The following ZC3H13 variants were observed in gnomAD, a reference collection of about 807,000 sequenced individuals.
ZC3H13 encodes the protein zinc finger CCCH-type containing 13.
In ZC3H13, 64 loss-of-function variants were observed where a neutral mutation model predicts 204.1. The observed-to-expected ratio is 0.31, with a 90% CI of 0.26 to 0.39. The LOEUF is 0.39. ZC3H13 is among the 10% of genes least tolerant of loss of function. The pLI is 1.00. For synonymous variants in ZC3H13, 667 were observed against 693.7 expected, an observed-to-expected ratio of 0.96 and a Z score of 0.60; for missense variants, 1,833 against 2,082.7, an observed-to-expected ratio of 0.88 and a Z score of 2.33.
rs1370091152 is a variant in ZC3H13, at chr13:45,968,884, G to A, written c.3660C>T (p.Asp1220=). 4 of 1,613,944 alleles carry A rather than the reference G, an allele frequency of 2.5e-6. No homozygotes were observed. The highest frequency in any genetic ancestry group is 3.4e-6 in the Non-Finnish European group (4 of 1,180,042). The change falls in exon 14 of 19, where the codon GAC becomes GAT. Residue 1220 remains aspartate, a synonymous_variant. Coordinates refer to ENST00000679008, the MANE Select transcript of ZC3H13 (RefSeq NM_001330564.2). ...GCAGTACTCTCTTTCGACCACTTTG[G>A]TCATCTCCACTTCGATGGGCTGAAT... is the stretch of plus-strand genomic sequence containing the variant. ...SNDSAHRSGD[D]QSGRKRVLHS...
chr13:45,987,190 G>A (rs1177890261), intron 9 of ZC3H13, among the ~76,000 whole-genome samples: 2 of 152,046 alleles, frequency 1.3e-5, no homozygotes, highest in Non-Finnish European at 2.9e-5. Context: ...TTCAGAAAAT[G>A]ACATCTAAAT....
intron 8 of ZC3H13, among the ~76,000 whole-genome samples, chr13:45,998,626 G>A (rs535287367): frequency 2.0e-5 from 3 of 151,474 alleles, no homozygotes; most frequent in African/African-American, 7.3e-5. Context: ...TCCAGCCTGG[G>A]TGACACAGCG....
At chr13:45,983,062 AGACT>A (rs1953797559) in intron 10 of ZC3H13, among the ~76,000 whole-genome samples, 1 of 152,160 alleles carries the variant, frequency 6.6e-6, no homozygotes, top group Non-Finnish European at 1.5e-5. Flanking sequence ...CAGAACAAAC[AGACT>A]AAGAAAAATT....
At chr13:46,000,316 A>C (rs543772348) in intron 8 of ZC3H13, among the ~76,000 whole-genome samples, 1 of 152,304 alleles carries the variant, frequency 6.6e-6, no homozygotes, top group East Asian at 1.9e-4. Flanking sequence ...AAATTTGTTT[A>C]GTGTGGCCAA....
At chr13:45,985,250 A>T (rs1332016612) in intron 10 of ZC3H13, 47 bp downstream of exon 10, 1 of 1,479,758 alleles carries the variant, frequency 6.8e-7, no homozygotes, top group Admixed American at 2.3e-5. Context: ...AGGAGATTTT[A>T]TACTTTCTAT....
chr13:45,969,778 T>C lies in ZC3H13; in HGVS notation c.2766A>G (p.Glu922=). The C allele has an allele frequency of 2.5e-6, 4 of 1,613,958 alleles. No homozygotes were observed. The highest frequency in any genetic ancestry group is 3.4e-6 in the Non-Finnish European group (4 of 1,180,026). The change falls in exon 14 of 19, where the codon GAA becomes GAG. Residue 922 remains glutamate, a synonymous_variant. Transcript: ENST00000679008. ...EKVSSVDKQR[E]QTEILESSRM... ...TTGAGCTTTCCAGGATTTCTGTCTG[T>C]TCTCTCTGTTTATCTACAGAAGAAA...
At chr13:45,998,364 G>A (rs902771516) in intron 8 of ZC3H13, among the ~76,000 whole-genome samples, 5 of 152,074 alleles carry the variant, frequency 3.3e-5, no homozygotes, top group African/African-American at 1.2e-4. Flanking sequence ...AAAAAGTACA[G>A]GCCGGGCGCG....
At chr13:45,960,209 G>A (rs1251386081) in intron 17 of ZC3H13, among the ~76,000 whole-genome samples, 1 of 151,830 alleles carries the variant, frequency 6.6e-6, no homozygotes, top group African/African-American at 2.4e-5. Context: ...TGCCTGCCTC[G>A]GCCTCCCAAA....
chr13:46,039,158 G>A (rs1190540407), intron 4 of ZC3H13, among the ~76,000 whole-genome samples: 2 of 152,170 alleles, frequency 1.3e-5, no homozygotes, highest in Non-Finnish European at 2.9e-5. Context: ...TATACACGAT[G>A]CTCAGTGCCT....
intron 17 of ZC3H13, chr13:45,963,242 T>C (rs1238090990): frequency 1.0e-6 from 1 of 985,500 alleles, no homozygotes; most frequent in East Asian, 1.1e-4. Context: ...ACCAAGCTCT[T>C]AATCACTTTG....
intron 10 of ZC3H13, among the ~76,000 whole-genome samples, chr13:45,982,306 A>C (rs907364297): frequency 6.6e-6 from 1 of 152,112 alleles, no homozygotes; most frequent in Non-Finnish European, 1.5e-5. Flanking sequence ...AAAAGGCTAC[A>C]TATAACATCT....
chr13:46,020,888 A>G (rs926386940), intron 4 of ZC3H13, among the ~76,000 whole-genome samples: 1 of 152,130 alleles, frequency 6.6e-6, no homozygotes, highest in Non-Finnish European at 1.5e-5. Flanking sequence ...ATGCAAATCT[A>G]ATACTTTAAC....
intron 7 of ZC3H13, 48 bp downstream of exon 7, chr13:46,010,300 C>A: frequency 6.8e-7 from 1 of 1,473,482 alleles, no homozygotes; most frequent in Non-Finnish European, 9.1e-7. Flanking sequence ...TTTTTAGTAT[C>A]ACTTCAGAAA....
chr13:45,964,450 T>C (rs537334400), intron 16 of ZC3H13, among the ~76,000 whole-genome samples: 2 of 152,324 alleles, frequency 1.3e-5, no homozygotes, highest in East Asian at 1.9e-4. Context: ...AAAACAACTA[T>C]TTCATTATGA....
At chr13:46,026,213 A>C (rs2042536295) in intron 4 of ZC3H13, among the ~76,000 whole-genome samples, 1 of 152,134 alleles carries the variant, frequency 6.6e-6, no homozygotes, top group African/African-American at 2.4e-5. Context: ...AGAAAAAACA[A>C]GTAAGAAATA....
At chr13:45,959,718 A>G in intron 17 of ZC3H13, 72 bp from the exon 18 acceptor site, 1 of 1,380,800 alleles carries the variant, frequency 7.2e-7, no homozygotes, top group Non-Finnish European at 9.5e-7. Context: ...TTAACTGAAT[A>G]TTCTACAAAT....
intron 2 of ZC3H13, 109 bp downstream of exon 2, chr13:46,045,282 G>C: frequency 9.2e-7 from 1 of 1,084,726 alleles, no homozygotes; most frequent in Non-Finnish European, 1.4e-6. Context: ...AAAATTTACT[G>C]AACAAACATT....
chr13:45,997,548 C>G lies in ZC3H13; in HGVS notation c.944+5591G>C, dbSNP rs1459903738. ...GACTTCGGGTTAGAAGCACCTGATA[C>G]AGAACGTTGGACAACTGAGACACAA... is the stretch of plus-strand genomic sequence containing the variant. On this transcript the variant is annotated intron_variant, in intron 8 of 18. Coordinates refer to ENST00000679008, the MANE Select transcript of ZC3H13 (RefSeq NM_001330564.2). Among the ~76,000 whole-genome samples, 3 of 152,292 alleles carry G rather than the reference C, an allele frequency of 2.0e-5. No homozygotes were observed. In the East Asian group the frequency reaches 5.8e-4, roughly 29 times the overall value.
At chr13:45,997,858 C>T (rs1350826587) in intron 8 of ZC3H13, among the ~76,000 whole-genome samples, 2 of 152,054 alleles carry the variant, frequency 1.3e-5, no homozygotes, top group African/African-American at 2.4e-5. Flanking sequence ...CCAAAACCCA[C>T]GTATTTGGAA....
Sources: allele counts gnomAD v4.1 joint callset (sites outside exome capture counted in the v4.1 genomes callset), GRCh38; gene constraint gnomAD v4.1.1; transcripts MANE v1.5; gene names NCBI Gene and HGNC (gene_info 2026-07-23, HGNC 2026-07-21).